The following NAAA variants were observed in gnomAD, a reference collection of about 807,000 sequenced individuals.
The protein encoded by NAAA is N-acylethanolamine acid amidase.
Under a neutral mutation model 44.8 loss-of-function variants are expected in NAAA, and 39 were observed. The observed-to-expected ratio is 0.87, with a 90% CI of 0.67 to 1.14. The LOEUF is 1.14. Among genes scored for constraint, NAAA ranks in the 50% most tolerant of loss-of-function variants. The pLI, the probability that NAAA is intolerant of heterozygous loss-of-function variation, is 0.00. For synonymous variants in NAAA, 178 were observed against 191.3 expected, an observed-to-expected ratio of 0.93 and a Z score of 0.58; for missense variants, 460 against 467.8, an observed-to-expected ratio of 0.98 and a Z score of 0.15.
chr4:75,911,480 G>T (rs1725321439), downstream of NAAA: 2 of 443,222 alleles, frequency 4.5e-6, no homozygotes, highest in South Asian at 3.2e-5. Context: ...AGAGGCTAGG[G>T]TTTTAATGGA....
intron 2 of NAAA, among the ~76,000 whole-genome samples, chr4:75,936,510 C>T (rs1239089167): frequency 6.6e-6 from 1 of 152,164 alleles, no homozygotes; most frequent in Non-Finnish European, 1.5e-5. Context: ...AGAATTTCAT[C>T]CTCAGTCTAA....
chr4:75,930,190 C>A (rs1360993794), intron 4 of NAAA, among the ~76,000 whole-genome samples: 1 of 152,140 alleles, frequency 6.6e-6, no homozygotes, highest in Non-Finnish European at 1.5e-5. Context: ...CTTCAAGATA[C>A]TCCTTGTATA....
chr4:75,940,669 C>T, intron 1 of NAAA, 75 bp downstream of exon 1: 1 of 1,475,636 alleles, frequency 6.8e-7, no homozygotes, highest in South Asian at 1.3e-5. Context: ...GTTTAAAGCA[C>T]TCTGAGCAGC....
intron 3 of NAAA, among the ~76,000 whole-genome samples, chr4:75,933,623 T>C (rs1560516471): frequency 6.6e-6 from 1 of 152,178 alleles, no homozygotes; most frequent in African/African-American, 2.4e-5. Flanking sequence ...TTTTGAGATA[T>C]AATTTGTAAG....
At chr4:75,911,954 C>G (rs961295749), downstream of NAAA, among the ~76,000 whole-genome samples, 2 of 152,156 alleles carry the variant, frequency 1.3e-5, no homozygotes, top group Admixed American at 1.3e-4. Flanking sequence ...AACTAAATTC[C>G]TCCCACGATT....
At position 75,921,054 on chromosome 4, in the gene NAAA, C is replaced by T; in HGVS notation, c.736G>A (p.Val246Ile). Residue 246 changes from valine (V) to isoleucine (I), a missense_variant, in exon 6 of 11, where the codon GTT becomes ATT. Physicochemically the swap from Val to Ile is conservative, Grantham distance 29. Coordinates refer to ENST00000286733, the MANE Select transcript of NAAA (RefSeq NM_014435.4). ...GACGTGCCACCAACAATGTAATAAA[C>T]ATCAGCAATAAGGGGAGTCTTGGCC... ...KLAKTPLIAD[V>I]YYIVGGTSPR... The T allele has an allele frequency of 2.5e-6, 4 of 1,605,616 alleles. No homozygotes were observed. Among genetic ancestry groups the T allele is most frequent in the Non-Finnish European group, 3.4e-6 (4 of 1,178,150 alleles).
At position 75,940,745 on chromosome 4, in the gene NAAA, C is replaced by G. The variant is rs1227337756; in HGVS notation, c.205G>C (p.Gly69Arg). The change falls in exon 1 of 11, where the codon GGG (glycine) becomes CGG (arginine). Residue 69 changes from glycine to arginine, a missense_variant and splice_region_variant. By Grantham distance (125) the Gly-to-Arg change is moderately radical. Coordinates refer to ENST00000286733, the MANE Select transcript of NAAA (RefSeq NM_014435.4). ...LVRAAMAQVIGDRVPKWVHVL... is the reference protein window; with the variant it reads ...LVRAAMAQVIRDRVPKWVHVL... ...ACCCCGTCCAGGGCCCCAGCTCACCCGATGACTTGCGCCATCGCGGCGCGC... is the reference window on the plus strand; with the variant it reads ...ACCCCGTCCAGGGCCCCAGCTCACCGGATGACTTGCGCCATCGCGGCGCGC... 1.3e-6 allele frequency: 2 copies of G among 1,595,476 alleles called. No individual in the cohort carries two copies. The highest frequency in any genetic ancestry group is 1.7e-6 in the Non-Finnish European group (2 of 1,177,850).
intron 5 of NAAA, among the ~76,000 whole-genome samples, chr4:75,924,994 T>C (rs1401507556): frequency 1.5e-5 from 2 of 130,206 alleles, no homozygotes; most frequent in African/African-American, 5.7e-5. Flanking sequence ...GAGCATAACT[T>C]CATTTTTTTT....
Position 75,937,894 on chromosome 4 carries a change from G to A in NAAA, c.372-1659C>T, listed in dbSNP as rs570763767. The stretch of plus-strand genomic sequence containing the variant: ...AGTTTGTGGGATCTCTCTCAGAGGC[G>A]ATTTTTCAAAATTGGCAAGATAACA... On this transcript the variant is annotated intron_variant, in intron 2 of 10. Coordinates refer to ENST00000286733, the MANE Select transcript of NAAA (RefSeq NM_014435.4). 1.5e-4 allele frequency among the ~76,000 whole-genome samples: 23 copies of A among 152,322 alleles called. No individual in the cohort carries two copies. The South Asian group carries it at 2.3e-3, about 15-fold the overall frequency.
intron 5 of NAAA, 147 bp downstream of exon 5, chr4:75,925,588 C>G (rs1726599949): frequency 4.1e-6 from 3 of 725,374 alleles, no homozygotes; most frequent in African/African-American, 1.8e-5. Flanking sequence ...TGACATTTAT[C>G]AAAAAGATTT....
rs1200345080 is a variant in NAAA at position 75,940,764 on chromosome 4, G to A, written c.186C>T (p.Ala62=). The A allele has an allele frequency of 3.1e-6, 5 of 1,597,624 alleles. No individual in the cohort carries two copies. In the Admixed American group the frequency reaches 5.0e-5, roughly 16 times the overall value. Residue 62 remains alanine, a synonymous_variant, in exon 1 of 11, where the codon GCC becomes GCT. Transcript: ENST00000286733. ...CTCACCCGATGACTTGCGCCATCGC[G>A]GCGCGCACCAAGTCCAAGTCGTAGT... is the stretch of plus-strand genomic sequence containing the variant. ...LRHYDLDLVR[A]AMAQVIGDRV...
At position 75,921,057 on chromosome 4, in the gene NAAA, C is replaced by G. The variant is rs886183611; in HGVS notation, c.733G>C (p.Asp245His). 1.9e-6 allele frequency: 3 copies of G among 1,605,312 alleles called. No individual in the cohort carries two copies. In the African/African-American group the frequency reaches 4.0e-5, roughly 22 times the overall value. The change falls in exon 6 of 11, where the codon GAT becomes CAT. Residue 245 changes from aspartate (D) to histidine (H), a missense_variant. Transcript: ENST00000286733. Reference sequence around the variant, plus strand: ...GTGCCACCAACAATGTAATAAACATCAGCAATAAGGGGAGTCTTGGCCAAC... The same window carrying G: ...GTGCCACCAACAATGTAATAAACATGAGCAATAAGGGGAGTCTTGGCCAAC... ...GKLAKTPLIADVYYIVGGTSP... is the reference protein window; with the variant it reads ...GKLAKTPLIAHVYYIVGGTSP...
chr4:75,925,962 C>A, intron 4 of NAAA, 151 bp from the exon 5 acceptor site: 1 of 705,798 alleles, frequency 1.4e-6, no homozygotes, highest in Non-Finnish European at 2.4e-6. Flanking sequence ...ATAGTTATGT[C>A]AAAGGAAATA....
intron 3 of NAAA, 144 bp downstream of exon 3, chr4:75,935,965 C>G: frequency 1.1e-6 from 1 of 899,574 alleles, no homozygotes; most frequent in South Asian, 1.5e-5. Context: ...ATGCAAACCT[C>G]TCTTCTGGCT....
At chr4:75,928,795 T>C (rs199531876) in intron 4 of NAAA, among the ~76,000 whole-genome samples, 11 of 148,522 alleles carry the variant, frequency 7.4e-5, no homozygotes, top group South Asian at 2.2e-4. Flanking sequence ...TTTTTTTTTT[T>C]CTTTTTTTTT....
chr4:75,939,806 A>G (rs1728068014), intron 2 of NAAA, 195 bp downstream of exon 2: 2 of 604,648 alleles, frequency 3.3e-6, no homozygotes, highest in Admixed American at 3.0e-5. Context: ...TGAATCGGAG[A>G]ATCTGCTTTC....
chr4:75,927,650 C>CAA (rs138766256), intron 4 of NAAA, among the ~76,000 whole-genome samples: 10 of 100,694 alleles, frequency 9.9e-5, no homozygotes, highest in South Asian at 3.2e-4. Context: ...CCCCCCCCGC[C>CAA]AAAAAAAATA....
chr4:75,927,191 T>C (rs1031485944), intron 4 of NAAA, among the ~76,000 whole-genome samples: 1 of 151,772 alleles, frequency 6.6e-6, no homozygotes, highest in African/African-American at 2.4e-5. Flanking sequence ...TAGTGGCTCA[T>C]GCCTGTAATC....
chr4:75,931,580 C>T (rs1727235506), intron 3 of NAAA, among the ~76,000 whole-genome samples: 1 of 152,128 alleles, frequency 6.6e-6, no homozygotes, highest in Non-Finnish European at 1.5e-5. Context: ...AATTTAACTC[C>T]TTCTATAATG....
Sources: allele counts gnomAD v4.1 joint callset (sites outside exome capture counted in the v4.1 genomes callset), GRCh38; gene constraint gnomAD v4.1.1; transcripts MANE v1.5; gene names NCBI Gene and HGNC (gene_info 2026-07-23, HGNC 2026-07-21).